Variants in PHF24 observed in about 807,000 individuals in gnomAD.
The protein encoded by PHF24 is Galpha inhibitory interacting protein.
PHF24 carries 25 observed loss-of-function variants against 42.6 expected under a neutral mutation model. That is an observed-to-expected ratio of 0.59 (90% CI 0.43 to 0.82). PHF24 has a LOEUF of 0.82. Among genes scored for constraint, PHF24 ranks in the 40% least tolerant of loss-of-function variants. PHF24 has a pLI of 0.00. For missense variants in PHF24, 470 were observed against 538.1 expected (o/e 0.87, Z 1.25); for synonymous variants, 185 against 204.8 (o/e 0.90, Z 0.83).
At chr9:34,922,182 G>A in the PHF24 span, 9 of 1,586,076 alleles carry the variant, frequency 5.7e-6, no homozygotes, top group Middle Eastern at 2.3e-4. Flanking sequence ...TTGGAAGGCC[G>A]GTTAATTTTC....
At chr9:34,721,818 G>T in the PHF24 span, among the ~76,000 whole-genome samples, 1 of 152,222 alleles carries the variant, frequency 6.6e-6, no homozygotes, top group African/African-American at 2.4e-5. Context: ...AATCTAACAC[G>T]CCTCATCTTA....
At chr9:34,742,026 G>A in the PHF24 span, among the ~76,000 whole-genome samples, 1 of 152,172 alleles carries the variant, frequency 6.6e-6, no homozygotes, top group Non-Finnish European at 1.5e-5. Flanking sequence ...TAAAAGATCT[G>A]CCAGTGAGTA....
the PHF24 span, among the ~76,000 whole-genome samples, chr9:34,846,015 T>C: frequency 2.0e-5 from 3 of 152,082 alleles, no homozygotes; most frequent in Admixed American, 1.3e-4. Flanking sequence ...GACATATGGG[T>C]TGGTTCCAAG....
the PHF24 span, among the ~76,000 whole-genome samples, chr9:34,815,600 G>T: frequency 1.7e-3 from 260 of 152,312 alleles, 5 homozygotes; most frequent in African/African-American, 5.9e-3. Flanking sequence ...GGGATTACAG[G>T]CGTGAGCTAC....
At chr9:34,812,075 C>A in the PHF24 span, among the ~76,000 whole-genome samples, 2 of 152,240 alleles carry the variant, frequency 1.3e-5, no homozygotes, top group Non-Finnish European at 2.9e-5. Flanking sequence ...AAATACAAAT[C>A]AAAACTACAG....
At chr9:34,772,725 G>T in the PHF24 span, among the ~76,000 whole-genome samples, 2 of 152,136 alleles carry the variant, frequency 1.3e-5, no homozygotes, top group Admixed American at 1.3e-4. Context: ...GGTTTCTTAC[G>T]ACTGGAGTGG....
the PHF24 span, among the ~76,000 whole-genome samples, chr9:34,741,238 G>GTA: frequency 1.3e-5 from 2 of 150,506 alleles, no homozygotes; most frequent in African/African-American, 2.5e-5. Context: ...ACACACACAC[G>GTA]TATATATATA....
chr9:34,785,396 C>G, the PHF24 span, among the ~76,000 whole-genome samples: 3 of 152,210 alleles, frequency 2.0e-5, no homozygotes, highest in Admixed American at 2.0e-4. Flanking sequence ...TAAGTTGCAA[C>G]ACATGAATTT....
At chr9:34,740,746 C>T in the PHF24 span, among the ~76,000 whole-genome samples, 1 of 152,174 alleles carries the variant, frequency 6.6e-6, no homozygotes, top group South Asian at 2.1e-4. Flanking sequence ...GTGGAAACAA[C>T]CTAAGCATGA....
chr9:34,776,413 T>G, the PHF24 span, among the ~76,000 whole-genome samples: 1 of 152,228 alleles, frequency 6.6e-6, no homozygotes, highest in Non-Finnish European at 1.5e-5. Context: ...TTTATCTGAC[T>G]GGATTATTTC....
At chr9:34,952,139 A>G in the PHF24 span, among the ~76,000 whole-genome samples, 1 of 152,206 alleles carries the variant, frequency 6.6e-6, no homozygotes, top group African/African-American at 2.4e-5. Context: ...ATGAAAACAC[A>G]TTTTGTCTGC....
At chr9:34,721,711 G>A in the PHF24 span, among the ~76,000 whole-genome samples, 27 of 152,188 alleles carry the variant, frequency 1.8e-4, no homozygotes, top group South Asian at 2.1e-4. Flanking sequence ...GTGCCCAGCC[G>A]TCCACTCTCT....
the PHF24 span, chr9:34,724,389 G>T: frequency 9.7e-6 from 15 of 1,550,654 alleles, 1 homozygote; most frequent in South Asian, 1.8e-4. Context: ...GGGGCAGGAA[G>T]AGTGTCTGGT....
At chr9:34,930,731 C>G in the PHF24 span, among the ~76,000 whole-genome samples, 1 of 152,192 alleles carries the variant, frequency 6.6e-6, no homozygotes, top group South Asian at 2.1e-4. Flanking sequence ...TGGAGAGGAA[C>G]TAGCCCAGAT....
the PHF24 span, among the ~76,000 whole-genome samples, chr9:34,880,335 A>G: frequency 2.0e-5 from 3 of 152,232 alleles, no homozygotes; most frequent in East Asian, 1.9e-4. Flanking sequence ...GACAGGATCA[A>G]ATTTACACAT....
At chr9:34,777,590 G>A in the PHF24 span, among the ~76,000 whole-genome samples, 1 of 152,160 alleles carries the variant, frequency 6.6e-6, no homozygotes, top group Non-Finnish European at 1.5e-5. Flanking sequence ...TTCAATTCTG[G>A]TGGTACTTGT....
chr9:34,905,083 T>C, the PHF24 span, among the ~76,000 whole-genome samples: 1 of 152,128 alleles, frequency 6.6e-6, no homozygotes, highest in Admixed American at 6.5e-5. Flanking sequence ...TATGCTTCAG[T>C]CTCTTTTTAG....
chr9:34,773,389 C>T, the PHF24 span, among the ~76,000 whole-genome samples: 77 of 151,804 alleles, frequency 5.1e-4, no homozygotes, highest in Non-Finnish European at 7.4e-5. Flanking sequence ...GCAAGATGAG[C>T]TTGAAGCATC....
chr9:34,955,044 G>A (rs549035825), upstream of PHF24, among the ~76,000 whole-genome samples: 8 of 152,044 alleles, frequency 5.3e-5, no homozygotes, highest in African/African-American at 1.4e-4. Context: ...GCACAGCTTC[G>A]CTGCTGGAGG....
Sources: gnomAD v4.1 joint callset for allele counts (sites outside exome capture counted in the v4.1 genomes callset) on GRCh38, gnomAD v4.1.1 for gene constraint, MANE v1.5 for transcripts, NCBI Gene and HGNC (gene_info 2026-07-23, HGNC 2026-07-21) for gene names.